Variants in TRPC4AP observed in about 807,000 individuals in gnomAD.
TRPC4AP encodes the protein transient receptor potential cation channel subfamily C member 4 associated protein.
Under a neutral mutation model 99.0 loss-of-function variants are expected in TRPC4AP, and 45 were observed. The observed-to-expected ratio is 0.45, with a 90% CI of 0.36 to 0.58. TRPC4AP has a LOEUF of 0.58. Ranked by LOEUF, TRPC4AP falls within the 20% of genes least tolerant of loss-of-function variation. TRPC4AP has a pLI of 0.00. For missense variants in TRPC4AP, 879 were observed against 985.3 expected (o/e 0.89, Z 1.44); for synonymous variants, 408 against 385.8 (o/e 1.06, Z -0.67).
At chr20:35,051,352 C>G (rs2083695940) in intron 5 of TRPC4AP, among the ~76,000 whole-genome samples, 1 of 151,942 alleles carries the variant, frequency 6.6e-6, no homozygotes, top group African/African-American at 2.4e-5. Context: ...AGGCTGAGGC[C>G]ATGACTATTC....
intron 12 of TRPC4AP, 95 bp downstream of exon 12, chr20:35,010,092 A>C: frequency 6.7e-6 from 6 of 901,276 alleles, no homozygotes; most frequent in African/African-American, 1.6e-5. Context: ...GTGAGAGAGG[A>C]CACGCGTGCA....
At chr20:35,045,315 T>C (rs929210088) in intron 6 of TRPC4AP, among the ~76,000 whole-genome samples, 16 of 152,218 alleles carry the variant, frequency 1.1e-4, no homozygotes, top group African/African-American at 3.6e-4. Flanking sequence ...GAAGTTTATC[T>C]ACACTGATAC....
intron 9 of TRPC4AP, 140 bp downstream of exon 9, chr20:35,021,050 C>T: frequency 1.1e-6 from 1 of 901,220 alleles, no homozygotes; most frequent in Non-Finnish European, 1.6e-6. Context: ...ATAGGTAGAA[C>T]AGAAGGAGAA....
rs139466115 is a variant in TRPC4AP, at chr20:35,077,296, C to T, written c.297+750G>A. Among the ~76,000 whole-genome samples the T allele has an allele frequency of 2.2e-3, 330 of 152,246 alleles. 1 individual carries two copies. The highest frequency in any genetic ancestry group is 6.1e-3 in the African/African-American group (253 of 41,520). On this transcript the variant is annotated intron_variant, in intron 2 of 18. Coordinates refer to ENST00000252015, the MANE Select transcript of TRPC4AP (RefSeq NM_015638.3). ...CTGACAAGCCCCAGTGAGATGAACC[C>T]GGTACCTCAGTTGGAAATGCAAAAA... is the stretch of plus-strand genomic sequence containing the variant.
chr20:35,050,241 G>A (rs903780007), intron 5 of TRPC4AP, among the ~76,000 whole-genome samples: 2 of 152,076 alleles, frequency 1.3e-5, no homozygotes, highest in African/African-American at 4.8e-5. Context: ...ACAATGAGAT[G>A]GTATTTCCTA....
At chr20:35,056,612 C>A (rs1439761823) in intron 4 of TRPC4AP, among the ~76,000 whole-genome samples, 2 of 151,980 alleles carry the variant, frequency 1.3e-5, no homozygotes, top group African/African-American at 4.8e-5. Context: ...GGTAGGAGGG[C>A]ATTCACCAAA....
chr20:35,079,476 T>TA (rs2146019964), intron 1 of TRPC4AP, among the ~76,000 whole-genome samples: 1 of 152,150 alleles, frequency 6.6e-6, no homozygotes, highest in African/African-American at 2.4e-5. Context: ...TCTACCTTAG[T>TA]AAACTACAGA....
rs573481292 is a variant in TRPC4AP at position 35,084,512 on chromosome 20, G to A, written c.169-6338C>T. Among the ~76,000 whole-genome samples the A allele has an allele frequency of 1.1e-3, 164 of 145,862 alleles. 1 individual carries two copies. The highest frequency in any genetic ancestry group is 3.9e-3 in the African/African-American group (151 of 38,872). On this transcript the variant is annotated intron_variant, in intron 1 of 18. Transcript: ENST00000252015. ...TGTATATATCTATATATGTATATAC[G>A]TATATATGTGTATATATGTATATAT...
intron 1 of TRPC4AP, among the ~76,000 whole-genome samples, chr20:35,092,158 G>T (rs979939591): frequency 9.2e-5 from 14 of 152,324 alleles, no homozygotes; most frequent in Admixed American, 2.6e-4. Flanking sequence ...CTTTAGAAAG[G>T]GGAAGGAAAG....
chr20:35,068,329 TTAGG>T (rs1259629708), intron 3 of TRPC4AP, among the ~76,000 whole-genome samples: 2 of 152,220 alleles, frequency 1.3e-5, no homozygotes, highest in Admixed American at 1.3e-4. Context: ...ACAAAACTTC[TTAGG>T]TAGGTAAACT....
chr20:35,078,272 A>G, intron 1 of TRPC4AP, 98 bp from the exon 2 acceptor site: 1 of 1,320,050 alleles, frequency 7.6e-7, no homozygotes, highest in Non-Finnish European at 1.0e-6. Context: ...CACCCAGGAC[A>G]GTTACAAATT....
chr20:35,024,854 A>AAAACAACAT (rs1479270980), intron 8 of TRPC4AP, among the ~76,000 whole-genome samples: 2 of 89,480 alleles, frequency 2.2e-5, no homozygotes, highest in Admixed American at 3.0e-4. Flanking sequence ...AAAAAAAAAA[A>AAAACAACAT]ATTCTGTTTA....
At chr20:35,069,004 GAC>G (rs1430071177) in intron 3 of TRPC4AP, among the ~76,000 whole-genome samples, 1 of 146,072 alleles carries the variant, frequency 6.8e-6, no homozygotes, top group Non-Finnish European at 1.5e-5. Flanking sequence ...TCTTAAGCAG[GAC>G]ACACAAGAAA....
chr20:35,002,540 C>A lies in TRPC4AP; in HGVS notation c.*606G>T, dbSNP rs2082415024. ...GCCTCAGGCAGAGGCAGGGCAGGCACAGCTGCCCCGTGCCCCAAGGGATGG... is the reference window on the plus strand; with the variant it reads ...GCCTCAGGCAGAGGCAGGGCAGGCAAAGCTGCCCCGTGCCCCAAGGGATGG... On this transcript the variant is annotated 3_prime_UTR_variant, in exon 19 of 19. Coordinates refer to ENST00000252015, the MANE Select transcript of TRPC4AP (RefSeq NM_015638.3). The A allele has an allele frequency of 4.2e-6, 1 of 235,394 alleles. No individual in the cohort carries two copies. The highest frequency in any genetic ancestry group is 8.1e-6 in the Non-Finnish European group (1 of 122,732). 14.6% of individuals were successfully genotyped at this position (235,394 alleles called of 1,614,324 possible). A position where few individuals can be genotyped will look rare whatever the true frequency, so the allele number is the denominator to read the frequency against.
intron 3 of TRPC4AP, among the ~76,000 whole-genome samples, chr20:35,061,790 G>C (rs7268447): frequency 0.08 from 12,219 of 152,080 alleles, 578 homozygotes; most frequent in South Asian, 0.13. Context: ...TTGTGACCTT[G>C]GATTAGGAAA....
chr20:35,048,524 G>C (rs894703754), intron 6 of TRPC4AP, among the ~76,000 whole-genome samples: 3 of 152,176 alleles, frequency 2.0e-5, no homozygotes, highest in African/African-American at 7.2e-5. Context: ...TGGCCTGTAA[G>C]AATTATTGAT....
At position 35,002,416 on chromosome 20, in the gene TRPC4AP, T is replaced by TAA. The variant is rs1181283657; in HGVS notation, c.*728_*729dup. On this transcript the variant is annotated 3_prime_UTR_variant, in exon 19 of 19. Coordinates refer to ENST00000252015, the MANE Select transcript of TRPC4AP (RefSeq NM_015638.3). ...AGGTCCACAGCAGTCATTTTTAAAA[T>TAA]AAAGTTATTTAATAGTCTCCATTTA... The TAA allele has an allele frequency of 4.7e-6, 2 of 421,596 alleles. No individual in the cohort carries two copies. The highest frequency in any genetic ancestry group is 4.1e-6 in the Non-Finnish European group (1 of 241,878). 26.1% of individuals were successfully genotyped at this position (421,596 alleles called of 1,614,324 possible). A position where few individuals can be genotyped will look rare whatever the true frequency, so the allele number is the denominator to read the frequency against.
intron 10 of TRPC4AP, among the ~76,000 whole-genome samples, chr20:35,014,154 C>T (rs937168076): frequency 1.3e-5 from 2 of 151,986 alleles, no homozygotes; most frequent in Admixed American, 6.6e-5. Flanking sequence ...CCCGGGAGCA[C>T]GTTTCTATAG....
chr20:35,025,994 C>T (rs2083020959), intron 8 of TRPC4AP, among the ~76,000 whole-genome samples: 1 of 152,188 alleles, frequency 6.6e-6, no homozygotes, highest in Non-Finnish European at 1.5e-5. Flanking sequence ...CGCATGTGGA[C>T]ATCAAATGGT....
Sources: gnomAD v4.1 joint callset for allele counts (sites outside exome capture counted in the v4.1 genomes callset) on GRCh38, gnomAD v4.1.1 for gene constraint, MANE v1.5 for transcripts, NCBI Gene and HGNC (gene_info 2026-07-23, HGNC 2026-07-21) for gene names.